STK3: variants seen among roughly 807,000 people sequenced by gnomAD.
STK3 encodes serine/threonine-protein kinase 3.
STK3 carries 41 observed loss-of-function variants against 58.0 expected under a neutral mutation model. The ratio of observed to expected loss-of-function variants is 0.71; its 90% confidence interval spans 0.55 to 0.92. STK3 has a LOEUF of 0.92. Among genes scored for constraint, STK3 ranks in the 40% least tolerant of loss-of-function variants. The pLI, the probability that STK3 is intolerant of heterozygous loss-of-function variation, is 0.00. For missense variants in STK3, 479 were observed against 602.7 expected (o/e 0.79, Z 2.15); for synonymous variants, 170 against 191.0 (o/e 0.89, Z 0.91).
chr8:98,796,676 T>C (rs923443545), intron 1 of STK3, among the ~76,000 whole-genome samples: 11 of 152,134 alleles, frequency 7.2e-5, no homozygotes, highest in African/African-American at 2.4e-4. Context: ...ACAGACAATC[T>C]ACAGAATAGG....
At chr8:98,449,311 GT>G (rs1020555019) in intron 1 of STK3, among the ~76,000 whole-genome samples, 3 of 152,136 alleles carry the variant, frequency 2.0e-5, no homozygotes, top group Non-Finnish European at 2.9e-5. Flanking sequence ...TTGATCAGAT[GT>G]TTTTTAGTGG....
intron 3 of STK3, among the ~76,000 whole-genome samples, chr8:98,422,127 A>G (rs1236628449): frequency 6.6e-6 from 1 of 152,212 alleles, no homozygotes; most frequent in Non-Finnish European, 1.5e-5. Flanking sequence ...CTCTGCAGAT[A>G]AAGCCAAATG....
At chr8:98,791,408 C>T (rs916698596) in intron 1 of STK3, among the ~76,000 whole-genome samples, 4 of 152,110 alleles carry the variant, frequency 2.6e-5, no homozygotes. Context: ...AAGCAATCTA[C>T]AAATTCAATG....
intron 3 of STK3, among the ~76,000 whole-genome samples, chr8:98,760,853 TAGAA>T (rs1249003218): frequency 9.2e-5 from 14 of 151,414 alleles, no homozygotes; most frequent in African/African-American, 3.4e-4. Flanking sequence ...CAACTCAAAA[TAGAA>T]AGAGTATTAA....
intron 4 of STK3, among the ~76,000 whole-genome samples, chr8:98,725,823 T>TA (rs1352586296): frequency 6.6e-6 from 1 of 152,192 alleles, no homozygotes; most frequent in African/African-American, 2.4e-5. Flanking sequence ...CTCTGACACT[T>TA]ACCATGTTTT....
intron 9 of STK3, among the ~76,000 whole-genome samples, chr8:98,538,066 A>C (rs1236405405): frequency 6.6e-6 from 1 of 152,186 alleles, no homozygotes; most frequent in African/African-American, 2.4e-5. Flanking sequence ...TCTTAGCATG[A>C]TTATGACAAA....
At chr8:98,393,853 C>T (rs1395928618) in intron 3 of STK3, 2 of 152,108 alleles carry the variant, frequency 1.3e-5, no homozygotes, top group African/African-American at 4.8e-5. Flanking sequence ...CTAATTCCAG[C>T]CTGAATTGTC....
At chr8:98,491,512 C>T (rs375896553) in intron 10 of STK3, among the ~76,000 whole-genome samples, 2 of 151,890 alleles carry the variant, frequency 1.3e-5, no homozygotes, top group African/African-American at 4.8e-5. Context: ...ACGATCTCAG[C>T]TCACTGCAAC....
chr8:98,451,478 T>G (rs1485662270), downstream of STK3, among the ~76,000 whole-genome samples: 1 of 152,142 alleles, frequency 6.6e-6, no homozygotes, highest in Admixed American at 6.6e-5. Context: ...TTGGCAAAAT[T>G]CTGTGAGCAG....
intron 6 of STK3, among the ~76,000 whole-genome samples, chr8:98,650,328 T>C (rs962674702): frequency 6.6e-5 from 10 of 152,236 alleles, no homozygotes; most frequent in African/African-American, 2.4e-4. Context: ...CTGTTTAAAA[T>C]GTTTACTTTT....
In STK3 at chr8:98,655,100, G is replaced by C. The variant is rs559231915; in HGVS notation, c.684+51367C>G. Among the ~76,000 whole-genome samples, 1,024 of 152,054 alleles carry C rather than the reference G, an allele frequency of 6.7e-3. 7 individuals carry two copies. The highest frequency in any genetic ancestry group is 0.023 in the African/African-American group (961 of 41,484). On this transcript the variant is annotated intron_variant, in intron 6 of 10. Coordinates refer to ENST00000419617, the MANE Select transcript of STK3 (RefSeq NM_006281.4). ...CTTCAAACTATACTACAAGGCTACA[G>C]TAACCAAAACAGCATGGTACTGGTA...
At chr8:98,516,977 T>C (rs748372252) in intron 10 of STK3, among the ~76,000 whole-genome samples, 10 of 152,076 alleles carry the variant, frequency 6.6e-5, no homozygotes, top group Non-Finnish European at 1.3e-4. Context: ...CCCAGGTTAC[T>C]GAGCCTTTTA....
In STK3 at chr8:98,783,024, G is replaced by GGA. The variant is rs34117067; in HGVS notation, c.27-8207_27-8206dup. On this transcript the variant is annotated intron_variant, in intron 1 of 10. Coordinates refer to ENST00000419617, the MANE Select transcript of STK3 (RefSeq NM_006281.4). Reference sequence around the variant, plus strand: ...CACACAAAGAGAGAAAGAAGGAGAGGGAGAGAGAGAGAGAGAGAGAGAACC... The same window carrying GGA: ...CACACAAAGAGAGAAAGAAGGAGAGGGAGAGAGAGAGAGAGAGAGAGAGAACC... Among the ~76,000 whole-genome samples the GGA allele has an allele frequency of 3.4e-3, 458 of 133,962 alleles. 4 individuals are homozygous for GGA. The highest frequency in any genetic ancestry group is 0.014 in the East Asian group (65 of 4,712). The allele number at this position is 133,962 out of a possible 152,430, so 87.9% of individuals were successfully genotyped here.
At chr8:98,867,714 C>A (rs933687216) in intron 3 of STK3, among the ~76,000 whole-genome samples, 2 of 152,170 alleles carry the variant, frequency 1.3e-5, no homozygotes, top group African/African-American at 2.4e-5. Context: ...TGCTTACCAA[C>A]CTTCGGCAAG....
chr8:98,616,879 C>T (rs1301610916), intron 6 of STK3, among the ~76,000 whole-genome samples: 1 of 151,682 alleles, frequency 6.6e-6, no homozygotes, highest in African/African-American at 2.4e-5. Flanking sequence ...TTTAACACCC[C>T]ACTGTCAACA....
chr8:98,646,431 ATTGT>A (rs1347418443), intron 6 of STK3, among the ~76,000 whole-genome samples: 1 of 152,146 alleles, frequency 6.6e-6, no homozygotes. Context: ...TATCTATTCA[ATTGT>A]TTATTTCTAT....
intron 10 of STK3, among the ~76,000 whole-genome samples, chr8:98,508,029 A>G (rs1249057858): frequency 6.6e-6 from 1 of 152,114 alleles, no homozygotes; most frequent in Non-Finnish European, 1.5e-5. Flanking sequence ...TATTATGGTT[A>G]TTGACTGTTT....
intron 10 of STK3, among the ~76,000 whole-genome samples, chr8:98,522,411 G>A (rs888367103): frequency 1.3e-5 from 2 of 151,998 alleles, no homozygotes; most frequent in Non-Finnish European, 2.9e-5. Context: ...ATGTAACTTT[G>A]CTGTTCCTTC....
At chr8:98,838,291 T>C (rs1835824150) in intron 3 of STK3, among the ~76,000 whole-genome samples, 1 of 152,122 alleles carries the variant, frequency 6.6e-6, no homozygotes, top group South Asian at 2.1e-4. Flanking sequence ...TATAAACTAA[T>C]GTTTCTTGCT....
Sources: gnomAD v4.1 joint callset for allele counts (sites outside exome capture counted in the v4.1 genomes callset) on GRCh38, gnomAD v4.1.1 for gene constraint, MANE v1.5 for transcripts, NCBI Gene and HGNC (gene_info 2026-07-23, HGNC 2026-07-21) for gene names.